FSTL5: variants seen among roughly 807,000 people sequenced by gnomAD.
FSTL5 encodes the protein follistatin-related protein 5.
FSTL5 carries 62 observed loss-of-function variants against 89.1 expected under a neutral mutation model. That is an observed-to-expected ratio of 0.70 (90% CI 0.57 to 0.86). The LOEUF (loss-of-function observed/expected upper bound fraction) is 0.86, where lower values mean the gene tolerates loss of function less well. FSTL5 is among the 40% of genes least tolerant of loss of function. The pLI is 0.00. For missense variants in FSTL5, 1,057 were observed against 1,001.6 expected (o/e 1.06, Z -0.75); for synonymous variants, 383 against 346.2 (o/e 1.11, Z -1.18).
intron 1 of FSTL5, among the ~76,000 whole-genome samples, chr4:162,131,861 C>T (rs6536635): frequency 0.74 from 113,130 of 152,064 alleles, 42,900 homozygotes; most frequent in Non-Finnish European, 0.83. Flanking sequence ...CAGATTTTGG[C>T]AGGCAAGAAA....
chr4:161,419,466 G>A (rs111828194), intron 15 of FSTL5, among the ~76,000 whole-genome samples: 90 of 152,210 alleles, frequency 5.9e-4, no homozygotes, highest in African/African-American at 2.1e-3. Context: ...AAAGAAAAGA[G>A]GTAAGTTTCT....
intron 2 of FSTL5, 91 bp from the exon 3 acceptor site, chr4:162,033,749 G>T: frequency 1.5e-6 from 1 of 685,680 alleles, no homozygotes; most frequent in Non-Finnish European, 2.4e-6. Context: ...GTATCAAAAT[G>T]ATTTTTGTAC....
intron 3 of FSTL5, among the ~76,000 whole-genome samples, chr4:162,027,680 T>C (rs1249704519): frequency 6.6e-6 from 1 of 152,140 alleles, no homozygotes; most frequent in African/African-American, 2.4e-5. Context: ...ACATTTTTAA[T>C]TGATTTATTT....
intron 13 of FSTL5, among the ~76,000 whole-genome samples, chr4:161,477,638 C>A (rs1343627699): frequency 7.8e-6 from 1 of 128,770 alleles, no homozygotes; most frequent in Non-Finnish European, 1.7e-5. Flanking sequence ...TAATTCAGGT[C>A]TATCTCTGAA....
intron 15 of FSTL5, among the ~76,000 whole-genome samples, chr4:161,391,150 C>T (rs756380331): frequency 1.3e-5 from 2 of 152,174 alleles, no homozygotes; most frequent in African/African-American, 4.8e-5. Flanking sequence ...AAAGCTGTTC[C>T]GATGTCCCAA....
chr4:161,435,377 T>A (rs1042080913), intron 15 of FSTL5, among the ~76,000 whole-genome samples: 1 of 151,906 alleles, frequency 6.6e-6, no homozygotes, highest in African/African-American at 2.4e-5. Context: ...TTTCAAACAA[T>A]TAAACTAATG....
chr4:161,579,299 T>C (rs1020753765), intron 8 of FSTL5, among the ~76,000 whole-genome samples: 6 of 152,052 alleles, frequency 3.9e-5, no homozygotes, highest in African/African-American at 1.2e-4. Flanking sequence ...ATGTGTGGCT[T>C]ATAGCAATAT....
At chr4:161,650,499 G>C (rs1013815433) in intron 7 of FSTL5, among the ~76,000 whole-genome samples, 1 of 152,086 alleles carries the variant, frequency 6.6e-6, no homozygotes, top group Non-Finnish European at 1.5e-5. Context: ...CTGTAGAGTG[G>C]TTGAGTTATA....
Position 161,785,757 on chromosome 4 carries a change from G to T in FSTL5, c.410-9683C>A, listed in dbSNP as rs1741881944. On this transcript the variant is annotated intron_variant, in intron 4 of 15. Transcript: ENST00000306100. ...CATATAGTTAAAGATTGAGGTTCAG[G>T]TTAATTTTTTTCTGAAGTGTATTCC... Among the ~76,000 whole-genome samples, 4 of 152,088 alleles carry T rather than the reference G, an allele frequency of 2.6e-5. No individual in the cohort carries two copies. The South Asian group carries it at 6.2e-4, about 24-fold the overall frequency.
chr4:161,542,607 G>T lies in FSTL5; in HGVS notation c.1102C>A (p.Pro368Thr). The T allele has an allele frequency of 3.8e-6, 6 of 1,572,802 alleles. No homozygotes were observed. Among genetic ancestry groups the T allele is most frequent in the South Asian group, 1.2e-5 (1 of 85,814 alleles). Residue 368 changes from proline (P) to threonine (T), a missense_variant, in exon 9 of 16, where the codon CCA becomes ACA. This residue lies in a region of FSTL5 where 980 missense variants were observed against 903.2 expected (regional missense o/e 1.08). Coordinates refer to ENST00000306100, the MANE Select transcript of FSTL5 (RefSeq NM_020116.5). ...ASLRCHAEGI[P>T]KPQLGWLKNG... ...TTCAACCAGCCAAGCTGAGGCTTTG[G>T]TATGCCCTCTGCATGGCACCTAAGA...
At chr4:161,748,742 A>T (rs1740290275) in intron 6 of FSTL5, among the ~76,000 whole-genome samples, 1 of 151,966 alleles carries the variant, frequency 6.6e-6, no homozygotes, top group Non-Finnish European at 1.5e-5. Flanking sequence ...TAAAAATTAG[A>T]AAAGCTATTT....
chr4:161,830,882 T>G (rs1730822800), intron 4 of FSTL5, among the ~76,000 whole-genome samples: 1 of 151,946 alleles, frequency 6.6e-6, no homozygotes, highest in Non-Finnish European at 1.5e-5. Context: ...TTAGAACGTA[T>G]TGCCATCTCC....
At chr4:161,467,747 C>G (rs1733795109) in intron 13 of FSTL5, among the ~76,000 whole-genome samples, 1 of 151,952 alleles carries the variant, frequency 6.6e-6, no homozygotes, top group Admixed American at 6.6e-5. Context: ...GTTATTTCAC[C>G]CAGCAGGTAA....
intron 4 of FSTL5, among the ~76,000 whole-genome samples, chr4:161,853,319 G>A (rs753774208): frequency 3.3e-5 from 5 of 152,038 alleles, no homozygotes; most frequent in Admixed American, 6.6e-5. Context: ...CCAGGCTGGC[G>A]TGCAGTGGCA....
At chr4:161,400,730 G>A (rs1578944955) in intron 15 of FSTL5, among the ~76,000 whole-genome samples, 3 of 152,032 alleles carry the variant, frequency 2.0e-5, no homozygotes, top group Non-Finnish European at 2.9e-5. Flanking sequence ...AATGTTTGTA[G>A]TACAATGACA....
intron 6 of FSTL5, among the ~76,000 whole-genome samples, chr4:161,741,948 C>A (rs1440974599): frequency 6.6e-6 from 1 of 151,804 alleles, no homozygotes; most frequent in Admixed American, 6.6e-5. Flanking sequence ...AGCCTAGAGA[C>A]TAGAAAGGAC....
intron 4 of FSTL5, among the ~76,000 whole-genome samples, chr4:161,855,151 T>G (rs1353623402): frequency 6.6e-6 from 1 of 152,094 alleles, no homozygotes; most frequent in East Asian, 1.9e-4. Flanking sequence ...TAAGCTCTAA[T>G]TGTGGTATTA....
chr4:161,427,775 A>T (rs1041813769), intron 15 of FSTL5, among the ~76,000 whole-genome samples: 1 of 152,202 alleles, frequency 6.6e-6, no homozygotes, highest in African/African-American at 2.4e-5. Flanking sequence ...CAAATGGTAC[A>T]CAGAAACAAC....
At chr4:162,013,009 C>T (rs866676020) in intron 3 of FSTL5, among the ~76,000 whole-genome samples, 10 of 151,966 alleles carry the variant, frequency 6.6e-5, no homozygotes, top group Middle Eastern at 3.2e-3. Flanking sequence ...CATGGTGAAA[C>T]CCTGTCTCCA....
Sources: gnomAD v4.1 joint callset for allele counts (sites outside exome capture counted in the v4.1 genomes callset) on GRCh38, gnomAD v4.1.1 for gene constraint, gnomAD v4.1.1 regional missense constraint, MANE v1.5 for transcripts, NCBI Gene and HGNC (gene_info 2026-07-23, HGNC 2026-07-21) for gene names.